Variants in IL6R observed in about 807,000 individuals in gnomAD.
IL6R encodes interleukin 6 receptor, also known as interleukin-6 receptor subunit alpha.
IL6R carries 38 observed loss-of-function variants against 48.3 expected under a neutral mutation model. That is an observed-to-expected ratio of 0.79 (90% CI 0.61 to 1.03). The LOEUF (loss-of-function observed/expected upper bound fraction) is 1.03, where lower values mean the gene tolerates loss of function less well. IL6R is among the 50% of genes least tolerant of loss of function. IL6R has a pLI of 0.00. For missense variants in IL6R, 534 were observed against 618.3 expected (o/e 0.86, Z 1.45); for synonymous variants, 264 against 256.2 (o/e 1.03, Z -0.29).
At chr1:154,410,399 GCAC>G (rs1687953434) in intron 1 of IL6R, among the ~76,000 whole-genome samples, 1 of 152,082 alleles carries the variant, frequency 6.6e-6, no homozygotes, top group African/African-American at 2.4e-5. Flanking sequence ...CTACAGGCGT[GCAC>G]CACCACATCT....
intron 5 of IL6R, 110 bp downstream of exon 5, chr1:154,435,266 T>C: frequency 9.8e-7 from 1 of 1,022,464 alleles, no homozygotes; most frequent in South Asian, 1.5e-5. Flanking sequence ...TCCCGGCCCT[T>C]TGGGAGGCCA....
intron 7 of IL6R, among the ~76,000 whole-genome samples, chr1:154,449,109 A>G (rs1468370586): frequency 2.1e-5 from 3 of 145,760 alleles, no homozygotes; most frequent in Non-Finnish European, 4.6e-5. Context: ...GTTAGCCAGG[A>G]TGGTCTCGAT....
intron 6 of IL6R, among the ~76,000 whole-genome samples, chr1:154,443,908 C>T (rs569142667): frequency 1.3e-5 from 2 of 152,334 alleles, no homozygotes; most frequent in Admixed American, 1.3e-4. Flanking sequence ...CCTCACAGAT[C>T]TCCCTGCCCT....
At chr1:154,415,328 T>C (rs1181141448) in intron 1 of IL6R, among the ~76,000 whole-genome samples, 1 of 152,272 alleles carries the variant, frequency 6.6e-6, no homozygotes, top group Non-Finnish European at 1.5e-5. Flanking sequence ...AGGTATGAAG[T>C]CTGACTCCAG....
chr1:154,451,570 C>T (rs151169232), intron 8 of IL6R, among the ~76,000 whole-genome samples: 26 of 152,176 alleles, frequency 1.7e-4, no homozygotes, highest in African/African-American at 6.0e-4. Flanking sequence ...AGGAGGGGAA[C>T]CTCCAGTCCT....
chr1:154,456,136 G>A (rs1690871784), intron 9 of IL6R, among the ~76,000 whole-genome samples: 1 of 152,032 alleles, frequency 6.6e-6, no homozygotes, highest in Non-Finnish European at 1.5e-5. Flanking sequence ...AGTAGCCCAG[G>A]GTCTGGGCAA....
At chr1:154,453,072 G>T (rs985604689) in intron 8 of IL6R, among the ~76,000 whole-genome samples, 3 of 151,998 alleles carry the variant, frequency 2.0e-5, no homozygotes, top group Non-Finnish European at 4.4e-5. Context: ...GGGCATGGTG[G>T]CATGTGCCTA....
At chr1:154,429,513 T>G in intron 2 of IL6R, 69 bp downstream of exon 2, 2 of 1,501,872 alleles carry the variant, frequency 1.3e-6, no homozygotes, top group Non-Finnish European at 1.8e-6. Context: ...TTCCAGACAG[T>G]CCCTGTCTGA....
Position 154,436,121 on chromosome 1 carries a change from G to A in IL6R, c.949+11G>A, listed in dbSNP as rs770761555. 4 of 1,587,532 alleles carry A rather than the reference G, an allele frequency of 2.5e-6. No homozygotes were observed. The Admixed American group carries it at 5.2e-5, about 20-fold the overall frequency. On this transcript the variant is annotated intron_variant, in intron 6 of 9. Coordinates refer to ENST00000368485, the MANE Select transcript of IL6R (RefSeq NM_000565.4). ...GCACGCCTTGGACAGGTACTGCGGT[G>A]GGCACTGAGAAAGGAAGGGATGTTT...
chr1:154,455,807 A>G (rs12133641), intron 9 of IL6R, among the ~76,000 whole-genome samples: 65,213 of 150,640 alleles, frequency 0.43, 14,617 homozygotes, highest in Admixed American at 0.53. Context: ...TTGTAATTCC[A>G]TCACTTTGGG....
chr1:154,444,935 A>ACC, intron 6 of IL6R: 1 of 383,622 alleles, frequency 2.6e-6, no homozygotes, highest in Non-Finnish European at 5.2e-6. Flanking sequence ...TGCCCCCCAC[A>ACC]CCCGCCCCCC....
At position 154,429,299 on chromosome 1, in the gene IL6R, G is replaced by A. The variant is rs1309897008; in HGVS notation, c.189G>A (p.Arg63=). 1 of 1,614,148 alleles carries A rather than the reference G, an allele frequency of 6.2e-7. No individual in the cohort carries two copies. Among genetic ancestry groups the A allele is most frequent in the South Asian group, 1.1e-5 (1 of 91,084 alleles). Residue 63 remains arginine (R), a synonymous_variant, in exon 2 of 10, where the codon AGG becomes AGA. Transcript: ENST00000368485. ...EDNATVHWVL[R]KPAAGSHPSR... ...ATGCCACTGTTCACTGGGTGCTCAG[G>A]AAGCCGGCTGCAGGCTCCCACCCCA...
chr1:154,452,292 C>T (rs1442841360), intron 8 of IL6R, among the ~76,000 whole-genome samples: 1 of 152,108 alleles, frequency 6.6e-6, no homozygotes, highest in East Asian at 1.9e-4. Flanking sequence ...ACGAGGAGTC[C>T]CAGCAAAGCC....
At chr1:154,428,420 A>G (rs1031754101) in intron 1 of IL6R, among the ~76,000 whole-genome samples, 6 of 152,208 alleles carry the variant, frequency 3.9e-5, no homozygotes, top group African/African-American at 7.2e-5. Context: ...TCTGTGCCTC[A>G]GTTACCAACT....
At chr1:154,412,147 C>G (rs980564392) in intron 1 of IL6R, among the ~76,000 whole-genome samples, 25 of 151,822 alleles carry the variant, frequency 1.6e-4, no homozygotes, top group Non-Finnish European at 3.5e-4. Flanking sequence ...CGGGGTTTCA[C>G]TGTGTCAGCC....
At chr1:154,432,474 CA>C (rs373394190) in intron 3 of IL6R, among the ~76,000 whole-genome samples, 18 of 151,890 alleles carry the variant, frequency 1.2e-4, no homozygotes, top group African/African-American at 4.4e-4. Context: ...TCTCCTGCCT[CA>C]GCCTCCTGAG....
intron 6 of IL6R, chr1:154,437,439 G>T: frequency 5.2e-6 from 2 of 385,462 alleles, no homozygotes; most frequent in South Asian, 1.8e-5. Flanking sequence ...TTGAAGACAG[G>T]CTTTCTCCTC....
rs199661599 is a variant in IL6R, at chr1:154,465,265, C to T, written c.1292C>T (p.Pro431Leu). ...TPVLVPLISP[P>L]VSPSSLGSDN... ...GTGCTTGTTCCTCTCATCTCCCCAC[C>T]GGTGTCCCCCAGCAGCCTGGGGTCT... Residue 431 changes from proline (P) to leucine (L), a missense_variant, in exon 10 of 10, where the codon CCG (proline) becomes CTG (leucine). By Grantham distance (98) the Pro-to-Leu change is moderately conservative. Coordinates refer to ENST00000368485, the MANE Select transcript of IL6R (RefSeq NM_000565.4). 193 of 1,614,180 alleles carry T rather than the reference C, an allele frequency of 1.2e-4. 2 individuals are homozygous for T. In the East Asian group the frequency reaches 4.0e-3, roughly 34 times the overall value.
At chr1:154,414,151 C>T (rs2149210674) in intron 1 of IL6R, among the ~76,000 whole-genome samples, 1 of 152,278 alleles carries the variant, frequency 6.6e-6, no homozygotes, top group South Asian at 2.1e-4. Flanking sequence ...GCCACTGCGC[C>T]TGGCTGCAAA....
Sources: gnomAD v4.1 joint callset for allele counts (sites outside exome capture counted in the v4.1 genomes callset) on GRCh38, gnomAD v4.1.1 for gene constraint, MANE v1.5 for transcripts, NCBI Gene and HGNC (gene_info 2026-07-23, HGNC 2026-07-21) for gene names.